PPP2R5C: variants seen among roughly 807,000 people sequenced by gnomAD.
PPP2R5C encodes protein phosphatase 2 regulatory subunit B'gamma, also known as serine/threonine-protein phosphatase 2A 56 kDa regulatory subunit gamma isoform.
In PPP2R5C, 7 loss-of-function variants were observed where a neutral mutation model predicts 68.9. That is an observed-to-expected ratio of 0.10 (90% CI 0.06 to 0.19). PPP2R5C has a LOEUF of 0.19. PPP2R5C is among the 10% of genes least tolerant of loss of function. The probability of loss-of-function intolerance (pLI) is 1.00; values close to 1 mark genes in which losing one functional copy is unlikely to be tolerated. For missense variants in PPP2R5C, 348 were observed against 641.3 expected (o/e 0.54, Z 4.94); for synonymous variants, 210 against 222.2 (o/e 0.95, Z 0.49).
intron 2 of PPP2R5C, among the ~76,000 whole-genome samples, chr14:101,778,668 C>T (rs1172107953): frequency 6.6e-6 from 1 of 152,114 alleles, no homozygotes; most frequent in Non-Finnish European, 1.5e-5. Flanking sequence ...CTGTTCTTTC[C>T]CTGGTGAATG....
intron 2 of PPP2R5C, among the ~76,000 whole-genome samples, chr14:101,768,081 CCAG>C (rs1244833817): frequency 6.6e-6 from 1 of 152,204 alleles, no homozygotes; most frequent in African/African-American, 2.4e-5. Context: ...AGGACATTCA[CCAG>C]CATCCCTGGC....
chr14:101,886,795 C>G (rs1406648390), intron 5 of PPP2R5C, among the ~76,000 whole-genome samples: 2 of 152,044 alleles, frequency 1.3e-5, no homozygotes, highest in Non-Finnish European at 2.9e-5. Context: ...ATGCTGTACT[C>G]CATAGCTCAC....
intron 2 of PPP2R5C, among the ~76,000 whole-genome samples, chr14:101,771,142 G>A (rs944685224): frequency 6.6e-6 from 1 of 152,072 alleles, no homozygotes; most frequent in African/African-American, 2.4e-5. Context: ...CTGGGGGAGT[G>A]AGAGAACAAG....
intron 1 of PPP2R5C, among the ~76,000 whole-genome samples, chr14:101,833,965 C>T (rs541173051): frequency 2.0e-5 from 3 of 152,312 alleles, no homozygotes; most frequent in South Asian, 4.1e-4. Context: ...CCTGCCACCA[C>T]GCTCGGCTAA....
chr14:101,799,482 C>A (rs1174081979), intron 3 of PPP2R5C, among the ~76,000 whole-genome samples: 1 of 152,174 alleles, frequency 6.6e-6, no homozygotes, highest in African/African-American at 2.4e-5. Context: ...TTATTGAAGG[C>A]AGCCTCGCTC....
chr14:101,817,309 T>C (rs2039783140), intron 1 of PPP2R5C, among the ~76,000 whole-genome samples: 1 of 152,214 alleles, frequency 6.6e-6, no homozygotes, highest in Admixed American at 6.5e-5. Flanking sequence ...CATTTCAATA[T>C]TCTCTGGTGA....
At chr14:101,848,025 A>G (rs916975061) in intron 1 of PPP2R5C, among the ~76,000 whole-genome samples, 2 of 152,088 alleles carry the variant, frequency 1.3e-5, no homozygotes, top group South Asian at 2.1e-4. Flanking sequence ...CTCCCCACCC[A>G]TGCTTTAGAT....
At chr14:101,805,196 G>C (rs1288662588), upstream of PPP2R5C, among the ~76,000 whole-genome samples, 1 of 152,092 alleles carries the variant, frequency 6.6e-6, no homozygotes, top group African/African-American at 2.4e-5. Context: ...CTCCTGAGTA[G>C]CTGGGCCTAC....
At chr14:101,819,190 A>T in intron 1 of PPP2R5C, 1 of 1,021,132 alleles carries the variant, frequency 9.8e-7, no homozygotes, top group Non-Finnish European at 1.5e-6. Flanking sequence ...TCCCAGCTTT[A>T]TGTAATTGGT....
intron 8 of PPP2R5C, among the ~76,000 whole-genome samples, chr14:101,897,582 T>C (rs1595501888): frequency 6.6e-6 from 1 of 151,826 alleles, no homozygotes; most frequent in Non-Finnish European, 1.5e-5. Context: ...GCTAGGCCAG[T>C]CTAGTCTTTT....
At position 101,810,074 on chromosome 14, in the gene PPP2R5C, G is replaced by T. The variant is rs982552766; in HGVS notation, c.94+38G>T. 3 of 1,571,452 alleles carry T rather than the reference G, an allele frequency of 1.9e-6. No individual in the cohort carries two copies. In the African/African-American group the frequency reaches 4.1e-5, roughly 21 times the overall value. ...GTGTTTCACTGAATCGGAACCTTCCGTGGGTAGTTAATAAATGGCTATTGT... is the reference window on the plus strand; with the variant it reads ...GTGTTTCACTGAATCGGAACCTTCCTTGGGTAGTTAATAAATGGCTATTGT... On this transcript the variant is annotated intron_variant, in intron 1 of 13. Coordinates refer to ENST00000334743, the Ensembl canonical transcript of PPP2R5C.
chr14:101,771,222 CGTGTGT>C (rs3993402), intron 2 of PPP2R5C, among the ~76,000 whole-genome samples: 258 of 135,488 alleles, frequency 1.9e-3, no homozygotes, highest in Non-Finnish European at 2.1e-3. Flanking sequence ...TTCTTCATCT[CGTGTGT>C]GTGTGTGTGT....
At chr14:101,870,039 G>C (rs1209859768) in intron 2 of PPP2R5C, among the ~76,000 whole-genome samples, 1 of 95,754 alleles carries the variant, frequency 1.0e-5, no homozygotes, top group African/African-American at 4.9e-5. Flanking sequence ...TTTCAATTGG[G>C]CTTTTTTTTT....
exon 14 of PPP2R5C, chr14:101,925,278 G>A: frequency 1.2e-6 from 2 of 1,611,946 alleles, no homozygotes; most frequent in Middle Eastern, 1.7e-4. Context: ...GCTAGCCTCC[G>A]GGGCGCCGCG....
At chr14:101,918,890 T>C (rs1166302846) in intron 13 of PPP2R5C, among the ~76,000 whole-genome samples, 1 of 151,426 alleles carries the variant, frequency 6.6e-6, no homozygotes, top group Non-Finnish European at 1.5e-5. Flanking sequence ...ACATTGGCCT[T>C]TCTCACTGAG....
rs150695019 is a variant in PPP2R5C at position 101,880,668 on chromosome 14, G to A, written c.295-1493G>A. On this transcript the variant is annotated intron_variant, in intron 2 of 13. Coordinates refer to ENST00000334743, the Ensembl canonical transcript of PPP2R5C. ...TAAAATTAGCAGAGCATGGTGGTGC[G>A]TGCTGGTAGTCCCAGCTACTTGGGA... Among the ~76,000 whole-genome samples the A allele has an allele frequency of 2.5e-3, 384 of 152,120 alleles. 2 individuals carry two copies. The highest frequency in any genetic ancestry group is 7.8e-3 in the African/African-American group (323 of 41,484).
intron 2 of PPP2R5C, among the ~76,000 whole-genome samples, chr14:101,777,960 G>A (rs1000991453): frequency 6.6e-6 from 1 of 151,834 alleles, no homozygotes. Flanking sequence ...TGTAGAAAAG[G>A]GGTCTCACTA....
rs145770239 is a variant in PPP2R5C, at chr14:101,900,167, G to A, written c.853-1552G>A. On this transcript the variant is annotated intron_variant, in intron 8 of 13. Coordinates refer to ENST00000334743, the Ensembl canonical transcript of PPP2R5C. ...CTCCCAAAGTCCTGAGATTACATGC[G>A]TGAGCCACCACGCCCAGCCTTACTT... Among the ~76,000 whole-genome samples the A allele has an allele frequency of 3.5e-3, 537 of 152,178 alleles. 17 individuals are homozygous for A. Among genetic ancestry groups the A allele is most frequent in the Admixed American group, 0.033 (499 of 15,268 alleles).
At chr14:101,869,606 C>CAG (rs2043269336) in intron 2 of PPP2R5C, among the ~76,000 whole-genome samples, 2 of 152,156 alleles carry the variant, frequency 1.3e-5, no homozygotes, top group Admixed American at 6.5e-5. Flanking sequence ...GTCCTTTTAT[C>CAG]TCATTTTGAT....
Sources: gnomAD v4.1 joint callset for allele counts (sites outside exome capture counted in the v4.1 genomes callset) on GRCh38, gnomAD v4.1.1 for gene constraint, MANE v1.5 for transcripts, NCBI Gene and HGNC (gene_info 2026-07-23, HGNC 2026-07-21) for gene names.